Variants in PREP observed in about 807,000 individuals in gnomAD.
The protein encoded by PREP is prolyl endopeptidase.
Under a neutral mutation model 87.6 loss-of-function variants are expected in PREP, and 29 were observed. That is an observed-to-expected ratio of 0.33 (90% CI 0.25 to 0.45). The LOEUF (loss-of-function observed/expected upper bound fraction) is 0.45. Among genes scored for constraint, PREP ranks in the 20% least tolerant of loss-of-function variants. PREP has a pLI of 1.00. For synonymous variants in PREP, 337 were observed against 328.6 expected (o/e 1.03, Z -0.28); for missense variants, 695 against 886.5 (o/e 0.78, Z 2.74).
chr6:105,314,179 T>A (rs1481901498), intron 10 of PREP, among the ~76,000 whole-genome samples: 1 of 152,236 alleles, frequency 6.6e-6, no homozygotes, highest in Admixed American at 6.5e-5. Context: ...CTAATGATCA[T>A]CTGGGTCTTC....
chr6:105,392,680 G>A (rs941593924), intron 2 of PREP, among the ~76,000 whole-genome samples: 18 of 152,152 alleles, frequency 1.2e-4, no homozygotes, highest in African/African-American at 3.6e-4. Flanking sequence ...GGGTTCAAGC[G>A]ATTCTCCTGC....
At chr6:105,323,813 G>C (rs1160159015) in intron 9 of PREP, 45 bp from the exon 10 acceptor site, 3 of 1,469,128 alleles carry the variant, frequency 2.0e-6, no homozygotes, top group Non-Finnish European at 2.9e-6. Flanking sequence ...GGACTCACTA[G>C]ATTCAAAGGG....
intron 14 of PREP, chr6:105,280,884 C>T (rs1049483768): frequency 3.3e-5 from 5 of 152,254 alleles, no homozygotes; most frequent in Admixed American, 2.0e-4. Context: ...TTCCCCTACT[C>T]TTGACCTGCC....
chr6:105,366,081 C>T (rs1772374423), intron 6 of PREP, among the ~76,000 whole-genome samples: 1 of 151,990 alleles, frequency 6.6e-6, no homozygotes, highest in South Asian at 2.1e-4. Flanking sequence ...ATGGTGAAAC[C>T]CTGTCTCCAC....
intron 7 of PREP, among the ~76,000 whole-genome samples, chr6:105,341,273 G>T (rs1302218648): frequency 6.6e-6 from 1 of 152,172 alleles, no homozygotes. Flanking sequence ...TGAACAACCT[G>T]CTCTTCAATG....
intron 7 of PREP, among the ~76,000 whole-genome samples, chr6:105,340,570 T>C (rs1415232938): frequency 6.6e-6 from 1 of 152,206 alleles, no homozygotes; most frequent in Admixed American, 6.5e-5. Context: ...ATGGGCTAAA[T>C]GCTCCAATTA....
Position 105,274,768 on chromosome 6 carries a change from C to CA in PREP, c.*3375dup, listed in dbSNP as rs1327698567. 6.6e-6 allele frequency among the ~76,000 whole-genome samples: 1 copy of CA among 151,958 alleles called. No homozygotes were observed. The highest frequency in any genetic ancestry group is 1.9e-4 in the East Asian group (1 of 5,188). Reference sequence around the variant, plus strand: ...GGGCCGTAACAGCAAAACTCCATCCCAAAAAAAGAGTGCAGTATCCAAGGC... The same window carrying CA: ...GGGCCGTAACAGCAAAACTCCATCCCAAAAAAAAGAGTGCAGTATCCAAGGC... On this transcript the variant is annotated 3_prime_UTR_variant, in exon 15 of 15. Transcript: ENST00000652536.
chr6:105,300,382 T>C (rs1770508068), intron 10 of PREP, among the ~76,000 whole-genome samples: 1 of 152,214 alleles, frequency 6.6e-6, no homozygotes, highest in Admixed American at 6.5e-5. Context: ...AATCCCACTA[T>C]ATCTTGCCAT....
chr6:105,312,888 C>T (rs148299929), intron 10 of PREP, among the ~76,000 whole-genome samples: 123 of 152,136 alleles, frequency 8.1e-4, no homozygotes, highest in Admixed American at 1.4e-3. Context: ...CACTGGGGCG[C>T]GGCTGTATGA....
intron 14 of PREP, among the ~76,000 whole-genome samples, chr6:105,279,967 T>G (rs1323368696): frequency 1.3e-5 from 2 of 152,216 alleles, no homozygotes; most frequent in East Asian, 3.8e-4. Context: ...TACCAATGTG[T>G]GTCAATGAGG....
intron 8 of PREP, among the ~76,000 whole-genome samples, chr6:105,332,933 T>C (rs1056582827): frequency 2.0e-5 from 3 of 152,278 alleles, no homozygotes; most frequent in East Asian, 1.9e-4. Context: ...ATAATGCAAA[T>C]AGCCAAAGGT....
chr6:105,333,871 C>T (rs1211363405), intron 7 of PREP, among the ~76,000 whole-genome samples: 1 of 152,170 alleles, frequency 6.6e-6, no homozygotes, highest in Non-Finnish European at 1.5e-5. Flanking sequence ...TTGTGTTCTA[C>T]AGCAGTGGCT....
At chr6:105,303,112 CATGTATGTATGTATGT>C (rs141833268) in intron 10 of PREP, among the ~76,000 whole-genome samples, 202 of 150,778 alleles carry the variant, frequency 1.3e-3, no homozygotes, top group Middle Eastern at 3.4e-3. Context: ...AAATGAAGTC[CATGTATGTATGTATGT>C]ATGTATGTAT....
intron 4 of PREP, among the ~76,000 whole-genome samples, chr6:105,374,273 T>A (rs934812460): frequency 2.0e-5 from 3 of 152,218 alleles, no homozygotes; most frequent in African/African-American, 7.2e-5. Flanking sequence ...CACTATGGAA[T>A]GTTTCCTGGC....
intron 7 of PREP, among the ~76,000 whole-genome samples, chr6:105,336,724 G>A (rs187639782): frequency 1.3e-5 from 2 of 152,236 alleles, no homozygotes; most frequent in African/African-American, 4.8e-5. Context: ...ATTTTCCCCA[G>A]CTTTTCTAGT....
Position 105,376,233 on chromosome 6 carries a change from C to T in PREP, c.277G>A (p.Gly93Ser). 1 of 1,613,530 alleles carries T rather than the reference C, an allele frequency of 6.2e-7. No individual in the cohort carries two copies. Among genetic ancestry groups the T allele is most frequent in the Non-Finnish European group, 8.5e-7 (1 of 1,179,680 alleles). Residue 93 changes from glycine to serine, a missense_variant, in exon 4 of 15, where the codon GGT (glycine) becomes AGT (serine). Around this residue, in one of 5 missense-constraint regions of PREP, gnomAD observed 517 missense variants for 620.3 expected, o/e 0.83. Transcript: ENST00000652536. ...TATAATACTCGCTGGTTCTGCAAACCTGTATTGTAAAAATAAAAATACCTG... is the reference window on the plus strand; with the variant it reads ...TATAATACTCGCTGGTTCTGCAAACTTGTATTGTAAAAATAAAAATACCTG... ...GKRYFYFYNT[G>S]LQNQRVLYVQ...
At chr6:105,316,918 G>GT (rs1240712314) in intron 10 of PREP, among the ~76,000 whole-genome samples, 1 of 151,374 alleles carries the variant, frequency 6.6e-6, no homozygotes, top group East Asian at 1.9e-4. Flanking sequence ...GTTTTTAGAG[G>GT]TAAGAAAGCT....
At chr6:105,310,836 T>C (rs1406367144) in intron 10 of PREP, among the ~76,000 whole-genome samples, 1 of 152,234 alleles carries the variant, frequency 6.6e-6, no homozygotes, top group Non-Finnish European at 1.5e-5. Context: ...CTCAAATATC[T>C]AACTCCCTAT....
At chr6:105,340,457 A>G (rs913026112) in intron 7 of PREP, among the ~76,000 whole-genome samples, 4 of 152,242 alleles carry the variant, frequency 2.6e-5, no homozygotes, top group Non-Finnish European at 5.9e-5. Context: ...TGTAAAGATC[A>G]TTGATATTAG....
Sources: gnomAD v4.1 joint callset for allele counts (sites outside exome capture counted in the v4.1 genomes callset) on GRCh38, gnomAD v4.1.1 for gene constraint, gnomAD v4.1.1 regional missense constraint, MANE v1.5 for transcripts, NCBI Gene and HGNC (gene_info 2026-07-23, HGNC 2026-07-21) for gene names.